RIC1: variants seen among roughly 807,000 people sequenced by gnomAD.
The protein encoded by RIC1 is RIC1 partner of RAB6A GEF complex.
In RIC1, 88 loss-of-function variants were observed where a neutral mutation model predicts 169.0. The observed-to-expected ratio is 0.52, with a 90% confidence interval of 0.44 to 0.62. The LOEUF is 0.62. Among genes scored for constraint, RIC1 ranks in the 20% least tolerant of loss-of-function variants. The probability of loss-of-function intolerance (pLI) is 0.00; values close to 1 mark genes in which losing one functional copy is unlikely to be tolerated. For missense variants in RIC1, 1,877 were observed against 1,725.5 expected (o/e 1.09, Z -1.56); for synonymous variants, 790 against 601.5 (o/e 1.31, Z -4.59).
chr9:5,654,045 G>C (rs977888161), intron 1 of RIC1, among the ~76,000 whole-genome samples: 1 of 151,988 alleles, frequency 6.6e-6, no homozygotes, highest in Non-Finnish European at 1.5e-5. Flanking sequence ...TATCACTTAG[G>C]CTGGAGTGCA....
chr9:5,685,394 A>G (rs888557954), intron 2 of RIC1, among the ~76,000 whole-genome samples: 10 of 151,856 alleles, frequency 6.6e-5, no homozygotes, highest in African/African-American at 2.4e-4. Context: ...GGCTACAGTA[A>G]CCAAAACAGC....
At chr9:5,755,740 T>A (rs1407488129) in intron 15 of RIC1, among the ~76,000 whole-genome samples, 2 of 152,088 alleles carry the variant, frequency 1.3e-5, no homozygotes, top group African/African-American at 4.8e-5. Context: ...CAGGCCAACA[T>A]GGTGAAACCC....
intron 3 of RIC1, among the ~76,000 whole-genome samples, chr9:5,711,138 C>T (rs1412329556): frequency 1.3e-5 from 2 of 151,980 alleles, no homozygotes; most frequent in African/African-American, 4.8e-5. Flanking sequence ...CAGAACCCAT[C>T]GGATATATAA....
intron 3 of RIC1, among the ~76,000 whole-genome samples, chr9:5,705,029 C>T (rs992277245): frequency 3.3e-5 from 5 of 151,998 alleles, no homozygotes; most frequent in African/African-American, 1.2e-4. Flanking sequence ...GTATGTCTGC[C>T]CTTGTATCAT....
intron 1 of RIC1, among the ~76,000 whole-genome samples, chr9:5,642,140 G>A (rs188925667): frequency 6.9e-6 from 1 of 145,300 alleles, no homozygotes; most frequent in Non-Finnish European, 1.5e-5. Context: ...TGCAGACTCA[G>A]AGGTACTGCC....
chr9:5,643,992 T>C (rs1818379615), intron 1 of RIC1, among the ~76,000 whole-genome samples: 1 of 152,210 alleles, frequency 6.6e-6, no homozygotes, highest in Non-Finnish European at 1.5e-5. Context: ...GTTTACCTTA[T>C]TTCAACCATA....
At chr9:5,762,166 C>G (rs575007547) in intron 17 of RIC1, among the ~76,000 whole-genome samples, 20 of 152,200 alleles carry the variant, frequency 1.3e-4, no homozygotes, top group Non-Finnish European at 2.5e-4. Context: ...CTCTCCCACA[C>G]GTGTATGTCT....
chr9:5,753,074 C>G (rs568091930), intron 12 of RIC1, 126 bp from the exon 13 acceptor site: 1 of 744,638 alleles, frequency 1.3e-6, no homozygotes, highest in South Asian at 1.6e-5. Flanking sequence ...TCCAAGTGCT[C>G]TGCTACTAAC....
intron 17 of RIC1, among the ~76,000 whole-genome samples, chr9:5,759,102 T>C (rs1381117672): frequency 6.6e-6 from 1 of 152,190 alleles, no homozygotes; most frequent in Non-Finnish European, 1.5e-5. Context: ...TCCCATTTCC[T>C]CTGCAAACCT....
rs745976332 is a variant in RIC1 at position 5,743,652 on chromosome 9, G to C, written c.1047-37G>C. On this transcript the variant is annotated intron_variant, in intron 9 of 25. Coordinates refer to ENST00000414202, the MANE Select transcript of RIC1 (RefSeq NM_020829.4). ...ATTTTATGTGTATTATATGTAATTG[G>C]AAGGCTGTATTATATTTAGTTTCTG... 41 of 1,509,314 alleles carry C rather than the reference G, an allele frequency of 2.7e-5. No individual in the cohort carries two copies. The South Asian group carries it at 2.7e-4, about 10-fold the overall frequency. The allele number at this position is 1,509,314 out of a possible 1,614,324, so 93.5% of individuals were successfully genotyped here. A position where few individuals can be genotyped will look rare whatever the true frequency, so the allele number is the denominator to read the frequency against.
intron 2 of RIC1, among the ~76,000 whole-genome samples, chr9:5,671,032 A>G (rs920580730): frequency 3.9e-5 from 6 of 152,164 alleles, no homozygotes; most frequent in African/African-American, 2.4e-5. Flanking sequence ...GAAAAGGCCA[A>G]TCTTAGGTTC....
At chr9:5,667,920 T>C (rs1379312539) in intron 2 of RIC1, among the ~76,000 whole-genome samples, 1 of 152,176 alleles carries the variant, frequency 6.6e-6, no homozygotes, top group Non-Finnish European at 1.5e-5. Flanking sequence ...CTCTCTGCAG[T>C]ACCAATTTAC....
downstream of RIC1, among the ~76,000 whole-genome samples, chr9:5,777,955 T>C (rs943204798): frequency 6.6e-6 from 1 of 152,192 alleles, no homozygotes; most frequent in African/African-American, 2.4e-5. Flanking sequence ...TGTATTTCCA[T>C]ATGAATTGCA....
intron 1 of RIC1, 145 bp downstream of exon 1, chr9:5,629,598 G>A: frequency 1.0e-6 from 1 of 966,694 alleles, no homozygotes. Flanking sequence ...TCGTTCCACC[G>A]AATTGGCCGC....
intron 15 of RIC1, among the ~76,000 whole-genome samples, chr9:5,755,446 T>C (rs1825949451): frequency 6.6e-6 from 1 of 152,204 alleles, no homozygotes; most frequent in South Asian, 2.1e-4. Flanking sequence ...CAGTATATTG[T>C]AATAAAAGTT....
At chr9:5,681,351 G>C (rs1251654023) in intron 2 of RIC1, among the ~76,000 whole-genome samples, 1 of 151,978 alleles carries the variant, frequency 6.6e-6, no homozygotes, top group Non-Finnish European at 1.5e-5. Context: ...CAGAGATTCT[G>C]GTTATGTTGT....
chr9:5,638,015 A>G (rs1818059658), intron 1 of RIC1, among the ~76,000 whole-genome samples: 1 of 152,174 alleles, frequency 6.6e-6, no homozygotes, highest in African/African-American at 2.4e-5. Flanking sequence ...ATGTTGAGGT[A>G]TGTTCCTTCT....
chr9:5,757,563 C>T, intron 17 of RIC1, 112 bp downstream of exon 17: 2 of 1,111,994 alleles, frequency 1.8e-6, no homozygotes, highest in East Asian at 2.5e-5. Flanking sequence ...TAAAATGTAC[C>T]TTATATGAGA....
At chr9:5,708,181 A>G (rs138012084) in intron 3 of RIC1, among the ~76,000 whole-genome samples, 3 of 152,210 alleles carry the variant, frequency 2.0e-5, no homozygotes, top group African/African-American at 7.2e-5. Context: ...GTTCCCGTAC[A>G]TCTCCCTCTC....
Sources: gnomAD v4.1 joint callset for allele counts (sites outside exome capture counted in the v4.1 genomes callset) on GRCh38, gnomAD v4.1.1 for gene constraint, MANE v1.5 for transcripts, NCBI Gene and HGNC (gene_info 2026-07-23, HGNC 2026-07-21) for gene names.